The following ZRANB2 variants were observed in gnomAD, a reference collection of about 807,000 sequenced individuals.
ZRANB2 encodes zinc finger RANBP2-type containing 2.
ZRANB2 carries 19 observed loss-of-function variants against 53.4 expected under a neutral mutation model. That is an observed-to-expected ratio of 0.36 (90% CI 0.25 to 0.52). The LOEUF (loss-of-function observed/expected upper bound fraction) is 0.52, where lower values mean the gene tolerates loss of function less well. Among genes scored for constraint, ZRANB2 ranks in the 20% least tolerant of loss-of-function variants. ZRANB2 has a pLI of 0.93. For missense variants in ZRANB2, 309 were observed against 401.1 expected (o/e 0.77, Z 1.96); for synonymous variants, 145 against 134.8 (o/e 1.08, Z -0.52).
chr1:71,067,966 T>G (rs1163318235), intron 8 of ZRANB2, among the ~76,000 whole-genome samples: 6 of 151,288 alleles, frequency 4.0e-5, no homozygotes, highest in African/African-American at 1.5e-4. Context: ...ACCCTTAATC[T>G]CCAGGGCTCC....
At chr1:71,074,942 G>C (rs552405178) in intron 4 of ZRANB2, among the ~76,000 whole-genome samples, 72 of 152,166 alleles carry the variant, frequency 4.7e-4, no homozygotes, top group Non-Finnish European at 8.1e-4. Flanking sequence ...TTGTAGCAAG[G>C]GAAGTGAGAA....
chr1:71,078,230 C>T (rs1661752733), intron 3 of ZRANB2, among the ~76,000 whole-genome samples: 2 of 152,140 alleles, frequency 1.3e-5, no homozygotes, highest in African/African-American at 4.8e-5. Flanking sequence ...CATTTGTTTA[C>T]TGGTATACAT....
intron 1 of ZRANB2, 124 bp downstream of exon 1, chr1:71,080,816 G>T (rs112393550): frequency 6.0e-5 from 66 of 1,106,724 alleles, no homozygotes; most frequent in Non-Finnish European, 8.5e-5. Flanking sequence ...CCAGGGAACT[G>T]GCGGTTCGCC....
chr1:71,067,680 A>G, intron 8 of ZRANB2: 1 of 437,372 alleles, frequency 2.3e-6, no homozygotes, highest in Non-Finnish European at 4.6e-6. Context: ...TAAAACCAGA[A>G]AGCCCAAAAG....
chr1:71,069,446 T>TA (rs1661547234), intron 7 of ZRANB2, 84 bp from the exon 8 acceptor site: 2 of 927,778 alleles, frequency 2.2e-6, no homozygotes, highest in Non-Finnish European at 3.4e-6. Flanking sequence ...AGATATGTAT[T>TA]AGAGTTCATT....
intron 1 of ZRANB2, among the ~76,000 whole-genome samples, chr1:71,080,139 T>C (rs1331772028): frequency 6.6e-6 from 1 of 152,226 alleles, no homozygotes; most frequent in East Asian, 1.9e-4. Context: ...AAGGCTTTTA[T>C]GTGAACATGA....
chr1:71,066,706 C>T, intron 9 of ZRANB2, 70 bp downstream of exon 9: 1 of 1,500,406 alleles, frequency 6.7e-7, no homozygotes, highest in Non-Finnish European at 9.0e-7. Context: ...TAACCCTTGA[C>T]TAGGAAAGTT....
intron 5 of ZRANB2, 49 bp downstream of exon 5, chr1:71,072,423 T>C: frequency 1.3e-6 from 2 of 1,541,512 alleles, no homozygotes; most frequent in Non-Finnish European, 1.8e-6. Context: ...TAAGAATTTT[T>C]TCTGTTTTTC....
Position 71,065,757 on chromosome 1 carries a change from T to C in ZRANB2, c.930-620A>G, listed in dbSNP as rs762135525. ...GTGTTTTCACCAATCACCTGGCTTA[T>C]GGAATAGAGAACATGTTCATTAAGT... is the stretch of plus-strand genomic sequence containing the variant. On this transcript the variant is annotated intron_variant, in intron 9 of 9. Coordinates refer to ENST00000370920, the MANE Select transcript of ZRANB2 (RefSeq NM_203350.3). 1.9e-5 allele frequency: 31 copies of C among 1,612,372 alleles called. No homozygotes were observed. The South Asian group carries it at 3.0e-4, about 15-fold the overall frequency.
At chr1:71,069,925 T>C (rs1138177) in intron 7 of ZRANB2, among the ~76,000 whole-genome samples, 41,041 of 152,000 alleles carry the variant, frequency 0.27, 6,487 homozygotes, top group East Asian at 0.7. Context: ...TTCGTACAAA[T>C]TTTAAAACTC....
rs1157423845 is a variant in ZRANB2 at position 71,078,726 on chromosome 1, A to G, written c.57-18T>C. ...TTCCACATCTAAAAACAGATTAAAA[A>G]GCATTTATAAAAATTTAAATTTGTA... is the stretch of plus-strand genomic sequence containing the variant. On this transcript the variant is annotated intron_variant, in intron 1 of 9. Transcript: ENST00000370920. 4 of 1,601,312 alleles carry G rather than the reference A, an allele frequency of 2.5e-6. No individual in the cohort carries two copies. In the African/African-American group the frequency reaches 4.0e-5, roughly 16 times the overall value.
chr1:71,068,786 AACT>A (rs944760806), intron 8 of ZRANB2, among the ~76,000 whole-genome samples: 3 of 151,600 alleles, frequency 2.0e-5, no homozygotes, highest in African/African-American at 7.3e-5. Flanking sequence ...ATTTTATTTG[AACT>A]ACTATTAATT....
chr1:71,078,733 A>G (rs1176280674), intron 1 of ZRANB2, 25 bp from the exon 2 acceptor site: 1 of 1,594,136 alleles, frequency 6.3e-7, no homozygotes, highest in East Asian at 2.2e-5. Context: ...AAAAGCATTT[A>G]TAAAAATTTA....
At position 71,076,384 on chromosome 1, in the gene ZRANB2, T is replaced by C. The variant is rs1008332470; in HGVS notation, c.301+411A>G. Among the ~76,000 whole-genome samples, 7 of 152,202 alleles carry C rather than the reference T, an allele frequency of 4.6e-5. No individual in the cohort carries two copies. The South Asian group carries it at 6.2e-4, about 13-fold the overall frequency. ...AAAGTTTTTCAGATAATCTAGCACATAGCTTAAGTTTCAGAATTACTGCCA... is the reference window on the plus strand; with the variant it reads ...AAAGTTTTTCAGATAATCTAGCACACAGCTTAAGTTTCAGAATTACTGCCA... On this transcript the variant is annotated intron_variant, in intron 4 of 9. Coordinates refer to ENST00000370920, the MANE Select transcript of ZRANB2 (RefSeq NM_203350.3).
chr1:71,075,145 C>A (rs1435207031), intron 4 of ZRANB2, among the ~76,000 whole-genome samples: 1 of 151,922 alleles, frequency 6.6e-6, no homozygotes, highest in East Asian at 1.9e-4. Flanking sequence ...TAAAAGCAAT[C>A]AAAATGGGTT....
chr1:71,072,463 A>T lies in ZRANB2; in HGVS notation c.378+9T>A. On this transcript the variant is annotated intron_variant, in intron 5 of 9. Transcript: ENST00000370920. Reference sequence around the variant, plus strand: ...TTATATTCAACCTGAACACCAAAATATAGCTTACCTCATCATATTCACCAT... The same window carrying T: ...TTATATTCAACCTGAACACCAAAATTTAGCTTACCTCATCATATTCACCAT... 1 of 1,591,236 alleles carries T rather than the reference A, an allele frequency of 6.3e-7. No individual in the cohort carries two copies. The highest frequency in any genetic ancestry group is 8.6e-7 in the Non-Finnish European group (1 of 1,168,420).
intron 1 of ZRANB2, 150 bp from the exon 2 acceptor site, chr1:71,078,858 T>C (rs1259817491): frequency 1.2e-5 from 8 of 686,090 alleles, no homozygotes; most frequent in Non-Finnish European, 1.9e-5. Context: ...TCCACACAAT[T>C]TACTGGGGGA....
intron 3 of ZRANB2, among the ~76,000 whole-genome samples, chr1:71,077,601 C>T (rs1241488997): frequency 6.6e-6 from 1 of 152,116 alleles, no homozygotes; most frequent in Non-Finnish European, 1.5e-5. Context: ...CGCCTGTAAT[C>T]CCAGCACTTT....
At chr1:71,072,422 T>C (rs1661615491) in intron 5 of ZRANB2, 50 bp downstream of exon 5, 1 of 1,540,458 alleles carries the variant, frequency 6.5e-7, no homozygotes, top group African/African-American at 1.4e-5. Context: ...TTAAGAATTT[T>C]TTCTGTTTTT....
Sources: allele counts gnomAD v4.1 joint callset (sites outside exome capture counted in the v4.1 genomes callset), GRCh38; gene constraint gnomAD v4.1.1; transcripts MANE v1.5; gene names NCBI Gene and HGNC (gene_info 2026-07-23, HGNC 2026-07-21).